Variants in PARD3B observed in about 807,000 individuals in gnomAD.
The protein encoded by PARD3B is par-3 family cell polarity regulator beta.
A neutral mutation model predicts 130.2 loss-of-function variants in PARD3B; 103 were observed. That is an observed-to-expected ratio of 0.79 (90% confidence interval 0.67 to 0.93). PARD3B has a LOEUF of 0.93. PARD3B is among the 40% of genes least tolerant of loss of function. The probability of loss-of-function intolerance (pLI) is 0.00; values close to 1 mark genes in which losing one functional copy is unlikely to be tolerated. For synonymous variants in PARD3B, 583 were observed against 553.2 expected (o/e 1.05, Z -0.76); for missense variants, 1,609 against 1,499.2 (o/e 1.07, Z -1.21).
At chr2:204,918,806 T>TA (rs1389822678) in intron 2 of PARD3B, among the ~76,000 whole-genome samples, 1 of 152,076 alleles carries the variant, frequency 6.6e-6, no homozygotes, top group Non-Finnish European at 1.5e-5. Flanking sequence ...CCAGTCTGAG[T>TA]AATGTTTAGC....
chr2:205,149,338 A>C (rs1327861042), intron 10 of PARD3B, among the ~76,000 whole-genome samples: 1 of 152,134 alleles, frequency 6.6e-6, no homozygotes, highest in Non-Finnish European at 1.5e-5. Context: ...TCGGCTTCTG[A>C]AAGTCCTGGG....
chr2:205,086,665 G>A (rs1701760065), intron 4 of PARD3B, among the ~76,000 whole-genome samples: 1 of 151,926 alleles, frequency 6.6e-6, no homozygotes, highest in Admixed American at 6.6e-5. Flanking sequence ...GAAACCTTTG[G>A]AGGCACTCCT....
At chr2:205,359,251 T>C (rs1323867038) in intron 18 of PARD3B, among the ~76,000 whole-genome samples, 1 of 152,198 alleles carries the variant, frequency 6.6e-6, no homozygotes, top group Non-Finnish European at 1.5e-5. Context: ...AGTTAATAAT[T>C]CATCTGTTCT....
rs139353844 is a variant in PARD3B at position 205,281,157 on chromosome 2, C to T, written c.2186-19373C>T. ...GGCATAGGCAGCCATAAAATGAAGC[C>T]GTAAACATTTCAAGGGTATAAGATT... is the stretch of plus-strand genomic sequence containing the variant. On this transcript the variant is annotated intron_variant, in intron 16 of 22. Transcript: ENST00000406610. This position sits in a 1 kb window ranked among gnomAD's most constrained non-coding sequence, Gnocchi z 4.2. 5.9e-5 allele frequency among the ~76,000 whole-genome samples: 9 copies of T among 152,082 alleles called. No individual in the cohort carries two copies. The highest frequency in any genetic ancestry group is 3.9e-4 in the East Asian group (2 of 5,172).
At chr2:205,456,869 TAATA>T (rs2048294226) in intron 20 of PARD3B, among the ~76,000 whole-genome samples, 1 of 149,782 alleles carries the variant, frequency 6.7e-6, no homozygotes, top group South Asian at 2.1e-4. Flanking sequence ...AAATATAATT[TAATA>T]AATATTAAAT....
chr2:204,980,165 C>A (rs183967614), intron 3 of PARD3B, among the ~76,000 whole-genome samples: 1 of 152,142 alleles, frequency 6.6e-6, no homozygotes, highest in Non-Finnish European at 1.5e-5. Context: ...TAGGAAAGAA[C>A]CCTAACAGGC....
intron 2 of PARD3B, among the ~76,000 whole-genome samples, chr2:204,847,160 A>G (rs1056508444): frequency 6.8e-6 from 1 of 146,090 alleles, no homozygotes; most frequent in African/African-American, 2.7e-5. Flanking sequence ...ATTTTTCTGT[A>G]ACTTTCTTTC....
chr2:204,988,187 A>G (rs1197475184), intron 3 of PARD3B, among the ~76,000 whole-genome samples: 1 of 152,192 alleles, frequency 6.6e-6, no homozygotes, highest in Non-Finnish European at 1.5e-5. Flanking sequence ...ATGCATGATA[A>G]ACCAGCCATG....
chr2:205,532,484 T>G (rs2051643242), intron 21 of PARD3B, among the ~76,000 whole-genome samples: 1 of 152,158 alleles, frequency 6.6e-6, no homozygotes, highest in African/African-American at 2.4e-5. Context: ...TTGGCAGTGC[T>G]TGGGGGGGAA....
chr2:204,594,889 A>T (rs1203771973), intron 1 of PARD3B, among the ~76,000 whole-genome samples: 1 of 152,172 alleles, frequency 6.6e-6, no homozygotes, highest in African/African-American at 2.4e-5. Flanking sequence ...GGTGTTTGTG[A>T]AGTCGTTTGA....
chr2:204,686,379 A>G, intron 2 of PARD3B, 97 bp downstream of exon 2: 1 of 889,604 alleles, frequency 1.1e-6, no homozygotes, highest in South Asian at 1.4e-5. Context: ...GTCAATTATT[A>G]TTAAAAGATA....
chr2:205,541,247 C>G lies in PARD3B; in HGVS notation c.3181-12077C>G, dbSNP rs1458425551. On this transcript the variant is annotated intron_variant, in intron 21 of 22. Transcript: ENST00000406610. ...TCATAGTTTCCATTCTCTTTTGCAG[C>G]TTTTCTCTGTTTCTCTGGGTTTTTT... 3.3e-5 allele frequency among the ~76,000 whole-genome samples: 5 copies of G among 151,760 alleles called. No homozygotes were observed. In the East Asian group the frequency reaches 9.7e-4, roughly 29 times the overall value.
At chr2:204,726,131 A>C (rs1339110639) in intron 2 of PARD3B, among the ~76,000 whole-genome samples, 7 of 152,220 alleles carry the variant, frequency 4.6e-5, no homozygotes, top group Admixed American at 4.6e-4. Flanking sequence ...TGCTGTCAGC[A>C]TAGCTTCGCT....
chr2:205,540,951 A>T (rs559646457), intron 21 of PARD3B, among the ~76,000 whole-genome samples: 58 of 152,220 alleles, frequency 3.8e-4, no homozygotes, highest in Non-Finnish European at 7.1e-4. Context: ...AGAATTCAGT[A>T]ATGAGTTCTG....
chr2:205,254,817 A>C (rs2040005878), intron 16 of PARD3B, among the ~76,000 whole-genome samples: 3 of 150,612 alleles, frequency 2.0e-5, no homozygotes, highest in Admixed American at 1.3e-4. Flanking sequence ...GGCGCCCGCC[A>C]CCTCGCCCGG....
intron 2 of PARD3B, among the ~76,000 whole-genome samples, chr2:204,762,059 C>T (rs11903029): frequency 6.7e-6 from 1 of 150,344 alleles, no homozygotes; most frequent in African/African-American, 2.4e-5. Context: ...TAAAAAAAAT[C>T]AGATAATGCT....
intron 2 of PARD3B, among the ~76,000 whole-genome samples, chr2:204,781,097 G>T (rs1435291401): frequency 6.6e-6 from 1 of 152,060 alleles, no homozygotes; most frequent in Non-Finnish European, 1.5e-5. Context: ...GATTTCAGTG[G>T]TATGTAATGA....
intron 10 of PARD3B, among the ~76,000 whole-genome samples, chr2:205,127,573 A>C (rs1198593476): frequency 1.3e-5 from 2 of 152,182 alleles, no homozygotes; most frequent in African/African-American, 4.8e-5. Context: ...TATTGTATGG[A>C]TTGGAAAGTA....
At chr2:204,982,754 C>G (rs935234983) in intron 3 of PARD3B, among the ~76,000 whole-genome samples, 1 of 152,008 alleles carries the variant, frequency 6.6e-6, no homozygotes, top group Non-Finnish European at 1.5e-5. Flanking sequence ...GATAAAAGTT[C>G]AGTATTAAAT....
Sources: gnomAD v4.1 joint callset for allele counts (sites outside exome capture counted in the v4.1 genomes callset) on GRCh38, gnomAD v4.1.1 for gene constraint, Gnocchi (gnomAD v3.1) non-coding constraint, MANE v1.5 for transcripts, NCBI Gene and HGNC (gene_info 2026-07-23, HGNC 2026-07-21) for gene names.